The following INTU variants were observed in gnomAD, a reference collection of about 807,000 sequenced individuals.
INTU encodes inturned planar cell polarity protein.
Under a neutral mutation model 100.5 loss-of-function variants are expected in INTU, and 68 were observed. The observed-to-expected ratio is 0.68, with a 90% confidence interval of 0.56 to 0.83. The LOEUF is 0.83. INTU is among the 40% of genes least tolerant of loss of function. INTU has a pLI of 0.00. For missense variants in INTU, 1,071 were observed against 1,114.7 expected, an observed-to-expected ratio of 0.96 and a Z score of 0.56; for synonymous variants, 357 against 395.7, an observed-to-expected ratio of 0.90 and a Z score of 1.16.
chr4:127,672,039 G>A (rs1224423831), intron 5 of INTU, among the ~76,000 whole-genome samples: 1 of 151,948 alleles, frequency 6.6e-6, no homozygotes, highest in Non-Finnish European at 1.5e-5. Context: ...ACTACTTAAT[G>A]GATACAATGT....
Position 127,643,734 on chromosome 4 carries a change from G to A in INTU, c.360G>A (p.Arg120=), listed in dbSNP as rs1727437524. ...KLKQFTKILR[R]KRLLPKRCNK... is the part of the protein sequence containing the mutation. ...AGCAGTTTACCAAAATTTTAAGAAG[G>A]AAAAGACTTTTACCCAAGCGCTGCA... Residue 120 remains arginine, a synonymous_variant, in exon 2 of 16, where the codon AGG becomes AGA. Transcript: ENST00000335251. The A allele has an allele frequency of 6.2e-7, 1 of 1,610,436 alleles. No individual in the cohort carries two copies. Among genetic ancestry groups the A allele is most frequent in the East Asian group, 2.2e-5 (1 of 44,860 alleles).
intron 13 of INTU, 80 bp downstream of exon 13, chr4:127,708,748 T>TA: frequency 1.5e-6 from 1 of 681,866 alleles, no homozygotes; most frequent in Non-Finnish European, 2.5e-6. Context: ...ACATGTATTT[T>TA]ACTCAACAAA....
At position 127,643,584 on chromosome 4, in the gene INTU, G is replaced by A. The variant is rs776521340; in HGVS notation, c.210G>A (p.Leu70=). 1 of 1,612,762 alleles carries A rather than the reference G, an allele frequency of 6.2e-7. No homozygotes were observed. Among genetic ancestry groups the A allele is most frequent in the Admixed American group, 1.7e-5 (1 of 59,582 alleles). Residue 70 remains leucine, a synonymous_variant, in exon 2 of 16, where the codon TTG becomes TTA. Coordinates refer to ENST00000335251, the MANE Select transcript of INTU (RefSeq NM_015693.4). ...ATGGAGAGCTGTTTTATTTGGAATT[G>A]AGTGAGGATGAAGAAGAAAGCCTCC... ...QKNGELFYLE[L]SEDEEESLLP...
intron 1 of INTU, among the ~76,000 whole-genome samples, chr4:127,639,771 A>G (rs1727228517): frequency 6.6e-6 from 1 of 152,192 alleles, no homozygotes; most frequent in Non-Finnish European, 1.5e-5. Flanking sequence ...TGTGATGAGA[A>G]CATTCAAAAA....
Position 127,710,980 on chromosome 4 carries a change from A to G in INTU, c.2437A>G (p.Ile813Val), listed in dbSNP as rs1046501. Residue 813 changes from isoleucine (I) to valine (V), a missense_variant, in exon 14 of 16, where the codon ATT (isoleucine) becomes GTT (valine). Physicochemically the swap from Ile to Val is conservative, Grantham distance 29 (BLOSUM62 3). Coordinates refer to ENST00000335251, the MANE Select transcript of INTU (RefSeq NM_015693.4). ...VALETVQGIF[I>V]TPTLEEVAQL... Reference sequence around the variant, plus strand: ...CTTAGAAACAGTGCAAGGAATCTTTATTACTCCTACCCTTGAAGAGGTGGC... The same window carrying G: ...CTTAGAAACAGTGCAAGGAATCTTTGTTACTCCTACCCTTGAAGAGGTGGC... The G allele has an allele frequency of 6.3e-7, 1 of 1,599,548 alleles. No individual in the cohort carries two copies. Among genetic ancestry groups the G allele is most frequent in the Non-Finnish European group, 8.5e-7 (1 of 1,170,388 alleles).
intron 6 of INTU, among the ~76,000 whole-genome samples, chr4:127,682,486 A>G (rs938874204): frequency 1.3e-5 from 2 of 149,640 alleles, no homozygotes; most frequent in Non-Finnish European, 3.0e-5. Context: ...TCATCATTCT[A>G]TCGCAAGAAT....
chr4:127,691,952 T>C (rs1331286426), intron 8 of INTU, among the ~76,000 whole-genome samples: 1 of 62,596 alleles, frequency 1.6e-5, no homozygotes, highest in Non-Finnish European at 3.4e-5. Flanking sequence ...AGTATAGTGT[T>C]CCATGGTATG....
At chr4:127,639,575 C>T (rs977812886) in intron 1 of INTU, among the ~76,000 whole-genome samples, 3 of 152,090 alleles carry the variant, frequency 2.0e-5, no homozygotes, top group Non-Finnish European at 4.4e-5. Context: ...TTTGGGACAA[C>T]AGTCATTAGA....
chr4:127,683,885 G>T (rs1729697091), intron 6 of INTU: 1 of 152,070 alleles, frequency 6.6e-6, no homozygotes. Context: ...TTCTTAAAAG[G>T]CTTCAATGAG....
chr4:127,649,658 A>G (rs72616922), intron 2 of INTU, among the ~76,000 whole-genome samples: 4,794 of 152,104 alleles, frequency 0.032, 304 homozygotes, highest in East Asian at 0.26. Flanking sequence ...TGGATTTTCA[A>G]TTTTTGGATT....
In INTU at chr4:127,643,704, A is replaced by T; in HGVS notation, c.330A>T (p.Lys110Asn). The change falls in exon 2 of 16, where the codon AAA becomes AAT. Residue 110 changes from lysine to asparagine, a missense_variant. Coordinates refer to ENST00000335251, the MANE Select transcript of INTU (RefSeq NM_015693.4). ...AAGAAAGAAAAAAGTATGAACCCAA[A>T]CTCAAGCAGTTTACCAAAATTTTAA... ...DYKERKKYEP[K>N]LKQFTKILRR... 3 of 1,609,246 alleles carry T rather than the reference A, an allele frequency of 1.9e-6. No individual in the cohort carries two copies. The highest frequency in any genetic ancestry group is 2.5e-6 in the Non-Finnish European group (3 of 1,178,898).
At chr4:127,690,453 A>G (rs1400676119) in intron 8 of INTU, among the ~76,000 whole-genome samples, 1 of 152,176 alleles carries the variant, frequency 6.6e-6, no homozygotes, top group Non-Finnish European at 1.5e-5. Context: ...CATGCTTTGC[A>G]GAATCCAGAA....
chr4:127,672,036 A>G (rs1023046382), intron 5 of INTU, among the ~76,000 whole-genome samples: 9 of 152,098 alleles, frequency 5.9e-5, no homozygotes, highest in African/African-American at 2.2e-4. Flanking sequence ...AAAACTACTT[A>G]ATGGATACAA....
Position 127,639,848 on chromosome 4 carries a change from A to G in INTU, c.147-3673A>G, listed in dbSNP as rs77906030. On this transcript the variant is annotated intron_variant, in intron 1 of 15. Coordinates refer to ENST00000335251, the MANE Select transcript of INTU (RefSeq NM_015693.4). Reference sequence around the variant, plus strand: ...TTAACTATAGTCTCCCTACTGTGTAATAGAACACCAGAATTTATTTCTCCT... The same window carrying G: ...TTAACTATAGTCTCCCTACTGTGTAGTAGAACACCAGAATTTATTTCTCCT... Among the ~76,000 whole-genome samples, 785 of 152,240 alleles carry G rather than the reference A, an allele frequency of 5.2e-3. 5 individuals carry two copies. Among genetic ancestry groups the G allele is most frequent in the Non-Finnish European group, 8.3e-3 (566 of 67,996 alleles).
intron 12 of INTU, among the ~76,000 whole-genome samples, chr4:127,708,368 C>T (rs1251443208): frequency 6.6e-6 from 1 of 152,098 alleles, no homozygotes; most frequent in Non-Finnish European, 1.5e-5. Flanking sequence ...TCAGGGAACA[C>T]CATCATGCCC....
At chr4:127,648,145 A>G (rs988592396) in intron 2 of INTU, among the ~76,000 whole-genome samples, 6 of 152,228 alleles carry the variant, frequency 3.9e-5, no homozygotes, top group Admixed American at 1.3e-4. Flanking sequence ...AATCAATCAT[A>G]TAATTCATTC....
rs913271775 is a variant in INTU at position 127,724,481 on chromosome 4, T to G, written c.*8045T>G. 2.0e-5 allele frequency: 3 copies of G among 152,182 alleles called. No individual in the cohort carries two copies. Among genetic ancestry groups the G allele is most frequent in the Non-Finnish European group, 4.4e-5 (3 of 68,048 alleles). 9.4% of individuals were successfully genotyped at this position (152,182 alleles called of 1,614,324 possible). On this transcript the variant is annotated 3_prime_UTR_variant, in exon 16 of 16. Coordinates refer to ENST00000335251, the MANE Select transcript of INTU (RefSeq NM_015693.4). ...AATATAGATCATTATGCATTGGGTT[T>G]TTTCAAAGGGGGAACACTTTAGTGA...
intron 5 of INTU, among the ~76,000 whole-genome samples, chr4:127,672,687 A>G (rs987654260): frequency 2.0e-5 from 3 of 152,056 alleles, no homozygotes; most frequent in Non-Finnish European, 4.4e-5. Context: ...TTTTTAAACT[A>G]TAGTAATATT....
chr4:127,677,200 A>G lies in INTU; in HGVS notation c.1181+2987A>G, dbSNP rs565419748. 9.3e-4 allele frequency among the ~76,000 whole-genome samples: 141 copies of G among 152,304 alleles called. 1 individual carries two copies. The highest frequency in any genetic ancestry group is 3.3e-3 in the African/African-American group (136 of 41,548). On this transcript the variant is annotated intron_variant, in intron 6 of 15. Transcript: ENST00000335251. Reference sequence around the variant, plus strand: ...ACAGACGAAAAAAAAGACAGCAGTAACCTCTGCAGACTTAAATGTCCATGT... The same window carrying G: ...ACAGACGAAAAAAAAGACAGCAGTAGCCTCTGCAGACTTAAATGTCCATGT...
Sources: gnomAD v4.1 joint callset for allele counts (sites outside exome capture counted in the v4.1 genomes callset) on GRCh38, gnomAD v4.1.1 for gene constraint, MANE v1.5 for transcripts, NCBI Gene and HGNC (gene_info 2026-07-23, HGNC 2026-07-21) for gene names.